The following ATE1 variants were observed in gnomAD, a reference collection of about 807,000 sequenced individuals.
ATE1 encodes the protein arginyltransferase 1.
A neutral mutation model predicts 70.5 loss-of-function variants in ATE1; 36 were observed. That is an observed-to-expected ratio of 0.51 (90% CI 0.39 to 0.67). ATE1 has a LOEUF of 0.67. ATE1 is among the 30% of genes least tolerant of loss of function. The pLI is 0.00. For synonymous variants in ATE1, 232 were observed against 219.3 expected, an observed-to-expected ratio of 1.06 and a Z score of -0.51; for missense variants, 593 against 629.5, an observed-to-expected ratio of 0.94 and a Z score of 0.62.
intron 8 of ATE1, among the ~76,000 whole-genome samples, chr10:121,869,423 T>G (rs1590571780): frequency 2.0e-5 from 3 of 152,238 alleles, no homozygotes; most frequent in Non-Finnish European, 2.9e-5. Flanking sequence ...ATCTAATAGT[T>G]TTTCTTTATC....
At chr10:121,900,054 T>C in intron 6 of ATE1, 60 bp from the exon 7 acceptor site, 1 of 1,582,430 alleles carries the variant, frequency 6.3e-7, no homozygotes, top group Non-Finnish European at 8.6e-7. Flanking sequence ...TTCTGTGGAA[T>C]ATGCATTAAG....
At chr10:121,902,204 T>G (rs938235212) in intron 6 of ATE1, among the ~76,000 whole-genome samples, 187 bp downstream of exon 6, 1 of 152,162 alleles carries the variant, frequency 6.6e-6, no homozygotes, top group African/African-American at 2.4e-5. Flanking sequence ...AAAAAGGAGT[T>G]TCCCTCAAAC....
intron 11 of ATE1, among the ~76,000 whole-genome samples, chr10:121,775,840 T>A (rs1431954354): frequency 6.6e-6 from 1 of 151,090 alleles, no homozygotes; most frequent in African/African-American, 2.5e-5. Context: ...TGCATCTATC[T>A]GTCATTCAGC....
intron 11 of ATE1, among the ~76,000 whole-genome samples, chr10:121,751,135 G>C (rs1049089836): frequency 5.9e-5 from 9 of 152,208 alleles, no homozygotes; most frequent in African/African-American, 2.2e-4. Context: ...TGGGACTCCA[G>C]CTGAGAGAAT....
Position 121,790,296 on chromosome 10 carries a change from A to G in ATE1, c.1258-7T>C, listed in dbSNP as rs1206175414. 1.9e-6 allele frequency: 3 copies of G among 1,612,536 alleles called. No individual in the cohort carries two copies. Among genetic ancestry groups the G allele is most frequent in the Non-Finnish European group, 2.5e-6 (3 of 1,179,492 alleles). On this transcript the variant is annotated splice_polypyrimidine_tract_variant and splice_region_variant and intron_variant, in intron 10 of 11. Transcript: ENST00000224652. ...CAGAAGGTCTATACTGACCCTGAAGAAAAGTGAAGGAAAAAGGCACAGGCA... is the reference window on the plus strand; with the variant it reads ...CAGAAGGTCTATACTGACCCTGAAGGAAAGTGAAGGAAAAAGGCACAGGCA...
upstream of ATE1, chr10:121,928,388 T>A: frequency 2.0e-6 from 3 of 1,532,382 alleles, no homozygotes; most frequent in Non-Finnish European, 2.6e-6. Flanking sequence ...GTAGCCGCAG[T>A]GGTAGCCGGC....
At chr10:121,767,989 A>G (rs2135847992) in intron 11 of ATE1, among the ~76,000 whole-genome samples, 1 of 152,374 alleles carries the variant, frequency 6.6e-6, no homozygotes, top group East Asian at 1.9e-4. Flanking sequence ...GAACTGATAA[A>G]CAATTTGTGA....
chr10:121,856,218 T>G (rs1413627934), intron 8 of ATE1, among the ~76,000 whole-genome samples: 1 of 151,786 alleles, frequency 6.6e-6, no homozygotes, highest in Non-Finnish European at 1.5e-5. Flanking sequence ...AATACATGAG[T>G]GGATTTTTAA....
At chr10:121,880,428 C>A (rs1472052728) in intron 7 of ATE1, among the ~76,000 whole-genome samples, 3 of 151,820 alleles carry the variant, frequency 2.0e-5, no homozygotes, top group African/African-American at 7.3e-5. Context: ...GGAACATGCC[C>A]CGAATTAAAT....
rs1378347261 is a variant in ATE1 at position 121,847,187 on chromosome 10, G to A, written c.976-5924C>T. ...CATGCGGCTGGGCACGGTGTCTCAC[G>A]CATGTAATCCCAGCACTTTGAGAGG... On this transcript the variant is annotated intron_variant, in intron 8 of 11. Transcript: ENST00000224652. Among the ~76,000 whole-genome samples, 6 of 152,166 alleles carry A rather than the reference G, an allele frequency of 3.9e-5. 1 individual carries two copies. In the South Asian group the frequency reaches 6.2e-4, roughly 16 times the overall value.
intron 8 of ATE1, among the ~76,000 whole-genome samples, chr10:121,845,271 G>A (rs1038733307): frequency 6.6e-6 from 1 of 152,144 alleles, no homozygotes; most frequent in Non-Finnish European, 1.5e-5. Flanking sequence ...GGGCTATTAG[G>A]GGAATGATGA....
At chr10:121,791,045 T>C (rs1262922836) in intron 10 of ATE1, among the ~76,000 whole-genome samples, 1 of 138,562 alleles carries the variant, frequency 7.2e-6, no homozygotes, top group Non-Finnish European at 1.6e-5. Context: ...TATGTGTATA[T>C]ATATGTATAC....
At chr10:121,776,594 A>G (rs1450064623) in intron 11 of ATE1, among the ~76,000 whole-genome samples, 2 of 152,392 alleles carry the variant, frequency 1.3e-5, no homozygotes, top group East Asian at 1.9e-4. Flanking sequence ...GGTCTTGGGC[A>G]TGAAATTCAT....
intron 11 of ATE1, among the ~76,000 whole-genome samples, chr10:121,745,199 T>A (rs1358170018): frequency 6.6e-6 from 1 of 152,218 alleles, no homozygotes; most frequent in Non-Finnish European, 1.5e-5. Context: ...ATATAGAGAA[T>A]AATGTTACAG....
chr10:121,867,708 C>T (rs1949710847), intron 8 of ATE1, among the ~76,000 whole-genome samples: 1 of 152,116 alleles, frequency 6.6e-6, no homozygotes, highest in East Asian at 1.9e-4. Context: ...CTTTTCTGTG[C>T]ACTTAAATTG....
Position 121,790,261 on chromosome 10 carries a change from C to T in ATE1, c.1286G>A (p.Cys429Tyr). ...GGGTACCCAAACATATGTCTCAGGG[C>T]ACAGCAAATCAGAAGGTCTATACTG... The part of the protein sequence containing the change: ...KGQYRPSDLL[C>Y]PETYVWVPIE... Residue 429 changes from cysteine (C) to tyrosine (Y), a missense_variant, in exon 11 of 12, where the codon TGC becomes TAC. Cys to Tyr is a radical substitution (Grantham distance 194). Transcript: ENST00000224652. 1.9e-6 allele frequency: 3 copies of T among 1,613,938 alleles called. No homozygotes were observed. The highest frequency in any genetic ancestry group is 1.7e-6 in the Non-Finnish European group (2 of 1,179,960).
At chr10:121,804,356 G>T (rs1238035713) in intron 10 of ATE1, among the ~76,000 whole-genome samples, 2 of 152,120 alleles carry the variant, frequency 1.3e-5, no homozygotes, top group African/African-American at 4.8e-5. Flanking sequence ...CACCAAAAAT[G>T]TATGTCCTTA....
chr10:121,817,121 CTTTA>C (rs1319183362), intron 10 of ATE1, among the ~76,000 whole-genome samples: 2 of 152,234 alleles, frequency 1.3e-5, no homozygotes, highest in Non-Finnish European at 2.9e-5. Flanking sequence ...AACAATGCCA[CTTTA>C]TTTGATGTAG....
At chr10:121,763,318 A>G (rs1349558350) in intron 11 of ATE1, among the ~76,000 whole-genome samples, 1 of 152,248 alleles carries the variant, frequency 6.6e-6, no homozygotes, top group Non-Finnish European at 1.5e-5. Context: ...AAATGTTTAC[A>G]GCAGCTTTAG....
Sources: allele counts gnomAD v4.1 joint callset (sites outside exome capture counted in the v4.1 genomes callset), GRCh38; gene constraint gnomAD v4.1.1; transcripts MANE v1.5; gene names NCBI Gene and HGNC (gene_info 2026-07-23, HGNC 2026-07-21).